C5: variants seen among roughly 807,000 people sequenced by gnomAD.
C5 encodes the protein C3 and PZP-like alpha-2-macroglobulin domain-containing protein 4.
A neutral mutation model predicts 218.8 loss-of-function variants in C5; 140 were observed. The ratio of observed to expected loss-of-function variants is 0.64; its 90% confidence interval spans 0.56 to 0.74. The LOEUF is 0.74. Ranked by LOEUF, C5 falls within the 30% of genes least tolerant of loss-of-function variation. C5 has a pLI of 0.00. For synonymous variants in C5, 614 were observed against 682.3 expected, an observed-to-expected ratio of 0.90 and a Z score of 1.56; for missense variants, 1,700 against 1,969.6, an observed-to-expected ratio of 0.86 and a Z score of 2.59.
At chr9:121,024,166 G>A (rs955497978) in intron 9 of C5, among the ~76,000 whole-genome samples, 2 of 131,314 alleles carry the variant, frequency 1.5e-5, no homozygotes, top group African/African-American at 5.8e-5. Flanking sequence ...GTTGCATTGA[G>A]CTGAGACTGT....
chr9:120,953,426 A>C lies in C5; in HGVS notation c.4901+304T>G, dbSNP rs41313639. On this transcript the variant is annotated intron_variant, in intron 40 of 40. Coordinates refer to ENST00000223642, the MANE Select transcript of C5 (RefSeq NM_001735.3). ...AAAGCAGATAATACAATACATATTTACACATTTTCCTCTTTACAAACAGTC... is the reference window on the plus strand; with the variant it reads ...AAAGCAGATAATACAATACATATTTCCACATTTTCCTCTTTACAAACAGTC... Among the ~76,000 whole-genome samples, 1,357 of 152,316 alleles carry C rather than the reference A, an allele frequency of 8.9e-3. 22 individuals carry two copies. Among genetic ancestry groups the C allele is most frequent in the African/African-American group, 0.031 (1,290 of 41,552 alleles).
intron 28 of C5, among the ~76,000 whole-genome samples, chr9:120,979,873 T>C (rs2131694906): frequency 6.6e-6 from 1 of 152,154 alleles, no homozygotes; most frequent in East Asian, 1.9e-4. Context: ...AGCGAGAACC[T>C]GTCTTAAAAA....
intron 20 of C5, among the ~76,000 whole-genome samples, chr9:120,998,414 T>G (rs1315807676): frequency 6.6e-6 from 1 of 152,242 alleles, no homozygotes; most frequent in African/African-American, 2.4e-5. Context: ...GTGTTTCAGA[T>G]AGTGGGAGCC....
intron 40 of C5, 80 bp downstream of exon 40, chr9:120,953,649 AG>A (rs748980959): frequency 5.7e-5 from 79 of 1,374,198 alleles, no homozygotes; most frequent in Non-Finnish European, 7.2e-5. Flanking sequence ...CAGGGCCATA[AG>A]AAACACGTAG....
At chr9:121,073,554 T>C in the C5 span, among the ~76,000 whole-genome samples, 1 of 142,352 alleles carries the variant, frequency 7.0e-6, no homozygotes, top group South Asian at 2.4e-4. Context: ...TCTCGCTCTG[T>C]CGTCCAGGCT....
chr9:121,002,275 TATATAC>T (rs1185052824), intron 20 of C5, among the ~76,000 whole-genome samples: 10 of 128,848 alleles, frequency 7.8e-5, no homozygotes, highest in South Asian at 5.6e-4. Context: ...TATATATGTA[TATATAC>T]GTATATATGT....
chr9:120,976,496 T>C (rs1162075872), intron 29 of C5, among the ~76,000 whole-genome samples: 1 of 152,240 alleles, frequency 6.6e-6, no homozygotes, highest in African/African-American at 2.4e-5. Context: ...ATGAATTCCC[T>C]GAGTAAAACT....
intron 40 of C5, among the ~76,000 whole-genome samples, chr9:120,953,349 G>A (rs1034723789): frequency 1.3e-5 from 2 of 152,156 alleles, no homozygotes; most frequent in Non-Finnish European, 2.9e-5. Context: ...AAGCTGCCTG[G>A]GGCTCCCATA....
At chr9:121,065,908 T>A in the C5 span, among the ~76,000 whole-genome samples, 1 of 152,136 alleles carries the variant, frequency 6.6e-6, no homozygotes, top group Non-Finnish European at 1.5e-5. Flanking sequence ...AGAAAACATA[T>A]TCAATAGAAA....
intron 33 of C5, among the ~76,000 whole-genome samples, 169 bp from the exon 34 acceptor site, chr9:120,963,907 G>C (rs1021600374): frequency 6.6e-6 from 1 of 152,160 alleles, no homozygotes; most frequent in Non-Finnish European, 1.5e-5. Context: ...AGAGATCTTT[G>C]AGTCATCTAT....
At chr9:120,999,645 T>A (rs1394876258) in intron 20 of C5, 3 of 226,464 alleles carry the variant, frequency 1.3e-5, no homozygotes, top group Non-Finnish European at 2.7e-5. Context: ...ACACGAAAAA[T>A]CTTCAGAGGA....
chr9:121,055,839 A>G, the C5 span, among the ~76,000 whole-genome samples: 1 of 152,330 alleles, frequency 6.6e-6, no homozygotes, highest in Admixed American at 6.5e-5. Flanking sequence ...AGCTGTGGCC[A>G]GTAGAGTGTC....
chr9:121,015,531 C>A (rs1488256064), intron 15 of C5, among the ~76,000 whole-genome samples: 1 of 152,010 alleles, frequency 6.6e-6, no homozygotes, highest in East Asian at 1.9e-4. Flanking sequence ...TCCACTGATT[C>A]CAGAGAAATA....
chr9:121,039,601 C>T (rs926951213), intron 3 of C5, among the ~76,000 whole-genome samples: 2 of 152,104 alleles, frequency 1.3e-5, no homozygotes, highest in Non-Finnish European at 2.9e-5. Context: ...TGCACCACTG[C>T]CCTCCAGCCT....
chr9:120,989,520 T>A (rs775730561), intron 24 of C5, 48 bp downstream of exon 24: 1 of 1,178,676 alleles, frequency 8.5e-7, no homozygotes, highest in Non-Finnish European at 1.2e-6. Context: ...AATAAAAATA[T>A]TAGTTTAGAA....
intron 16 of C5, 88 bp from the exon 17 acceptor site, chr9:121,014,158 T>A: frequency 9.0e-7 from 1 of 1,108,882 alleles, no homozygotes; most frequent in Non-Finnish European, 1.3e-6. Flanking sequence ...ACCTGGTTTC[T>A]GTTGCTATAT....
chr9:121,062,114 A>T, the C5 span, among the ~76,000 whole-genome samples: 2 of 152,098 alleles, frequency 1.3e-5, no homozygotes, highest in African/African-American at 4.8e-5. Flanking sequence ...TGCACTCAAA[A>T]CAAGTTCCTG....
chr9:120,997,131 G>C (rs2047123326), intron 21 of C5, among the ~76,000 whole-genome samples: 1 of 151,704 alleles, frequency 6.6e-6, no homozygotes, highest in Admixed American at 6.6e-5. Flanking sequence ...TTTATCTCCA[G>C]TTCCTTGCAT....
At chr9:121,014,124 G>C in intron 16 of C5, 54 bp from the exon 17 acceptor site, 1 of 1,482,394 alleles carries the variant, frequency 6.7e-7, no homozygotes, top group Middle Eastern at 1.7e-4. Context: ...TAACATCTCA[G>C]GCTTAGAAGG....
Sources: allele counts gnomAD v4.1 joint callset (sites outside exome capture counted in the v4.1 genomes callset), GRCh38; gene constraint gnomAD v4.1.1; transcripts MANE v1.5; gene names NCBI Gene and HGNC (gene_info 2026-07-23, HGNC 2026-07-21).